TCAIM: variants seen among roughly 807,000 people sequenced by gnomAD.
The protein encoded by TCAIM is T-cell activation inhibitor, mitochondrial.
A neutral mutation model predicts 58.6 loss-of-function variants in TCAIM; 36 were observed. That is an observed-to-expected ratio of 0.61 (90% CI 0.47 to 0.81). The LOEUF (loss-of-function observed/expected upper bound fraction) is 0.81. Ranked by LOEUF, TCAIM falls within the 30% of genes least tolerant of loss-of-function variation. The pLI is 0.00. For synonymous variants in TCAIM, 172 were observed against 193.6 expected, an observed-to-expected ratio of 0.89 and a Z score of 0.93; for missense variants, 466 against 579.6, an observed-to-expected ratio of 0.80 and a Z score of 2.01.
Position 44,361,412 on chromosome 3 carries a change from C to T in TCAIM, c.213C>T (p.Asn71=). The change falls in exon 4 of 11, where the codon AAC becomes AAT. Residue 71 remains asparagine, a synonymous_variant. Coordinates refer to ENST00000342649, the MANE Select transcript of TCAIM (RefSeq NM_173826.4). ...AAAGGTTAAGTGTCTACCTAGAAAA[C>T]CTCCAGAAACCAGGCTTCAAGTCTT... is the stretch of plus-strand genomic sequence containing the variant. ...SLKRLSVYLE[N]LQKPGFKSLK... The T allele has an allele frequency of 3.7e-6, 6 of 1,612,572 alleles. No homozygotes were observed. Among genetic ancestry groups the T allele is most frequent in the Non-Finnish European group, 5.1e-6 (6 of 1,179,414 alleles).
intron 1 of TCAIM, among the ~76,000 whole-genome samples, chr3:44,346,760 A>G (rs893277497): frequency 4.6e-5 from 7 of 152,204 alleles, no homozygotes; most frequent in African/African-American, 1.4e-4. Flanking sequence ...AGGCTAGGCT[A>G]AAACAGTAAG....
intron 5 of TCAIM, among the ~76,000 whole-genome samples, chr3:44,389,951 C>T (rs552888710): frequency 6.6e-6 from 1 of 152,232 alleles, no homozygotes; most frequent in East Asian, 1.9e-4. Context: ...ATTGACATGC[C>T]ATTCTCTCTC....
intron 2 of TCAIM, among the ~76,000 whole-genome samples, chr3:44,356,176 T>G (rs111425979): frequency 5.9e-5 from 9 of 152,252 alleles, no homozygotes; most frequent in African/African-American, 2.2e-4. Context: ...TAAAGACTTG[T>G]CACACCTAAT....
chr3:44,405,819 G>A (rs573812587), intron 10 of TCAIM, among the ~76,000 whole-genome samples: 2 of 142,370 alleles, frequency 1.4e-5, no homozygotes, highest in East Asian at 2.3e-4. Context: ...GGGCATGGTG[G>A]TACATGCATG....
At chr3:44,360,976 A>G (rs887463898) in intron 3 of TCAIM, among the ~76,000 whole-genome samples, 5 of 152,226 alleles carry the variant, frequency 3.3e-5, no homozygotes, top group African/African-American at 1.2e-4. Flanking sequence ...TTAGTCTTAC[A>G]CTGGCAATAA....
intron 5 of TCAIM, among the ~76,000 whole-genome samples, chr3:44,379,979 C>T (rs1044339076): frequency 6.6e-5 from 10 of 151,926 alleles, no homozygotes; most frequent in South Asian, 2.1e-4. Context: ...GGTCTGTACA[C>T]GAGACCTCCG....
intron 5 of TCAIM, among the ~76,000 whole-genome samples, chr3:44,380,672 A>C (rs1208941651): frequency 6.6e-6 from 1 of 152,164 alleles, no homozygotes; most frequent in Non-Finnish European, 1.5e-5. Context: ...TAGATATTAG[A>C]TAAACAAAAT....
chr3:44,383,915 TA>T (rs1312503576), intron 5 of TCAIM, among the ~76,000 whole-genome samples: 1 of 151,810 alleles, frequency 6.6e-6, no homozygotes, highest in East Asian at 1.9e-4. Flanking sequence ...ACCCTGTCTT[TA>T]AAAAAAGAAA....
Position 44,401,335 on chromosome 3 carries a change from G to T in TCAIM, c.1250+1G>T. 1 of 1,613,674 alleles carries T rather than the reference G, an allele frequency of 6.2e-7. No individual in the cohort carries two copies. The highest frequency in any genetic ancestry group is 8.5e-7 in the Non-Finnish European group (1 of 1,179,864). On this transcript the variant is annotated splice_donor_variant, in intron 10 of 10. Transcript: ENST00000342649. LOFTEE classifies it high-confidence loss of function. ...GAGAGAACATGAAAAGAAAGGAAGA[G>T]TAAGTACTGCCAGTCTTCTGTAAAG... is the stretch of plus-strand genomic sequence containing the variant.
intron 6 of TCAIM, among the ~76,000 whole-genome samples, chr3:44,395,843 C>T (rs373437165): frequency 7.9e-5 from 12 of 152,142 alleles, no homozygotes; most frequent in African/African-American, 2.2e-4. Flanking sequence ...TTTAAGTAGC[C>T]GGCCATGGTG....
chr3:44,384,296 A>G (rs1466550606), intron 5 of TCAIM, among the ~76,000 whole-genome samples: 1 of 152,240 alleles, frequency 6.6e-6, no homozygotes, highest in South Asian at 2.1e-4. Context: ...TCTGACCTAG[A>G]GTCTGGTTAG....
chr3:44,389,149 G>T (rs1203686970), intron 5 of TCAIM, among the ~76,000 whole-genome samples: 1 of 152,172 alleles, frequency 6.6e-6, no homozygotes, highest in African/African-American at 2.4e-5. Flanking sequence ...AATTAGCCAG[G>T]CATGGTGGTG....
chr3:44,407,609 A>AT lies in TCAIM; in HGVS notation c.1423dup (p.Tyr475LeufsTer22). 1 of 1,613,848 alleles carries AT rather than the reference A, an allele frequency of 6.2e-7. No individual in the cohort carries two copies. The highest frequency in any genetic ancestry group is 8.5e-7 in the Non-Finnish European group (1 of 1,179,894). ...CATGGGATGCACCTCTGCATTTCAC[A>AT]TTTTTACTCTGTTATGCAAGATGGA... is the stretch of plus-strand genomic sequence containing the variant. On this transcript the variant is annotated frameshift_variant, in exon 11 of 11. Coordinates refer to ENST00000342649, the MANE Select transcript of TCAIM (RefSeq NM_173826.4). LOFTEE classifies it high-confidence loss of function.
intron 10 of TCAIM, among the ~76,000 whole-genome samples, chr3:44,402,409 C>T (rs1702034621): frequency 6.9e-6 from 1 of 145,836 alleles, no homozygotes; most frequent in South Asian, 2.1e-4. Context: ...AATCCTTTCT[C>T]AAAAAAATAT....
At chr3:44,340,857 C>T (rs1700841690) in intron 1 of TCAIM, 1 of 152,202 alleles carries the variant, frequency 6.6e-6, no homozygotes, top group Non-Finnish European at 1.5e-5. Flanking sequence ...TTCTTTCTCT[C>T]CTTCCTACCC....
At chr3:44,403,162 G>C (rs9864257) in intron 10 of TCAIM, among the ~76,000 whole-genome samples, 18,137 of 151,966 alleles carry the variant, frequency 0.12, 1,196 homozygotes, top group East Asian at 0.17. Flanking sequence ...CCAGCTACTC[G>C]GGAGGCTGAG....
At chr3:44,401,607 GACA>G (rs1022589748) in intron 10 of TCAIM, among the ~76,000 whole-genome samples, 11 of 152,142 alleles carry the variant, frequency 7.2e-5, no homozygotes, top group African/African-American at 1.2e-4. Flanking sequence ...GGAAAAGACT[GACA>G]ACAAGGAAAA....
intron 2 of TCAIM, among the ~76,000 whole-genome samples, chr3:44,356,957 G>A (rs894518935): frequency 5.9e-5 from 9 of 151,918 alleles, no homozygotes; most frequent in African/African-American, 2.2e-4. Context: ...CTCCAGCCTG[G>A]GCAACAGAGC....
At chr3:44,343,657 G>T (rs926326484) in intron 1 of TCAIM, among the ~76,000 whole-genome samples, 2 of 152,170 alleles carry the variant, frequency 1.3e-5, no homozygotes, top group African/African-American at 4.8e-5. Flanking sequence ...TTAGACAGCA[G>T]AGGCCTAGAT....
Sources: gnomAD v4.1 joint callset for allele counts (sites outside exome capture counted in the v4.1 genomes callset) on GRCh38, gnomAD v4.1.1 for gene constraint, MANE v1.5 for transcripts, NCBI Gene and HGNC (gene_info 2026-07-23, HGNC 2026-07-21) for gene names.